The following KCNK13 variants were observed in gnomAD, a reference collection of about 807,000 sequenced individuals.
The protein encoded by KCNK13 is potassium channel subfamily K member 13.
In KCNK13, 12 loss-of-function variants were observed where a neutral mutation model predicts 23.4. The observed-to-expected ratio is 0.51, with a 90% CI of 0.33 to 0.83. The LOEUF (loss-of-function observed/expected upper bound fraction) is 0.83, where lower values mean the gene tolerates loss of function less well. Ranked by LOEUF, KCNK13 falls within the 40% of genes least tolerant of loss-of-function variation. The probability of loss-of-function intolerance (pLI) is 0.02; values close to 1 mark genes in which losing one functional copy is unlikely to be tolerated. For synonymous variants in KCNK13, 231 were observed against 229.5 expected, an observed-to-expected ratio of 1.01 and a Z score of -0.06; for missense variants, 463 against 556.3, an observed-to-expected ratio of 0.83 and a Z score of 1.69.
intron 1 of KCNK13, among the ~76,000 whole-genome samples, chr14:90,130,179 C>CATTTATTTATTT (rs60505302): frequency 0.26 from 37,234 of 141,804 alleles, 5,353 homozygotes; most frequent in South Asian, 0.3. Context: ...TGGAGAAGGA[C>CATTTATTTATTT]ATTTATTTAT....
At chr14:90,144,230 G>A (rs1401548517) in intron 1 of KCNK13, among the ~76,000 whole-genome samples, 6 of 152,068 alleles carry the variant, frequency 3.9e-5, no homozygotes, top group African/African-American at 7.2e-5. Flanking sequence ...GTTTCTCTCA[G>A]TAATGTTTTG....
intron 1 of KCNK13, among the ~76,000 whole-genome samples, chr14:90,102,211 C>A (rs1889490146): frequency 1.3e-5 from 2 of 151,974 alleles, no homozygotes; most frequent in Admixed American, 6.6e-5. Context: ...AAAAGAAATC[C>A]CCCCATTGAA....
At chr14:90,156,475 G>T (rs1890196125) in intron 1 of KCNK13, among the ~76,000 whole-genome samples, 2 of 150,580 alleles carry the variant, frequency 1.3e-5, no homozygotes, top group African/African-American at 5.0e-5. Flanking sequence ...AAAGGAGAAG[G>T]TTCGAGAATT....
intron 1 of KCNK13, among the ~76,000 whole-genome samples, chr14:90,094,797 A>G (rs563952924): frequency 1.1e-3 from 167 of 151,780 alleles, no homozygotes; most frequent in Non-Finnish European, 1.8e-3. Flanking sequence ...ACAGGCGCCC[A>G]CCACCACGCC....
intron 1 of KCNK13, among the ~76,000 whole-genome samples, chr14:90,106,592 G>T (rs539603361): frequency 6.6e-6 from 1 of 151,872 alleles, no homozygotes; most frequent in African/African-American, 2.4e-5. Flanking sequence ...AAAAATTTAT[G>T]ATACTATCAT....
At chr14:90,068,722 T>C (rs1889037408) in intron 1 of KCNK13, among the ~76,000 whole-genome samples, 1 of 152,172 alleles carries the variant, frequency 6.6e-6, no homozygotes, top group Non-Finnish European at 1.5e-5. Flanking sequence ...TTGAGAAATC[T>C]GGAGTCTAGA....
At chr14:90,064,899 G>A (rs1888990302) in intron 1 of KCNK13, among the ~76,000 whole-genome samples, 1 of 152,188 alleles carries the variant, frequency 6.6e-6, no homozygotes, top group South Asian at 2.1e-4. Flanking sequence ...AATGTGCAAT[G>A]CAGCTCATTG....
chr14:90,099,856 T>G (rs895246890), intron 1 of KCNK13, among the ~76,000 whole-genome samples: 7 of 152,198 alleles, frequency 4.6e-5, no homozygotes, highest in African/African-American at 7.2e-5. Flanking sequence ...ACATAATTTT[T>G]TCTTCCAGGG....
At chr14:90,154,110 T>G (rs1361574552) in intron 1 of KCNK13, among the ~76,000 whole-genome samples, 2 of 152,174 alleles carry the variant, frequency 1.3e-5, no homozygotes, top group African/African-American at 4.8e-5. Flanking sequence ...TGTGCTCTAT[T>G]TGGTTTGCTC....
intron 1 of KCNK13, among the ~76,000 whole-genome samples, chr14:90,097,581 A>G (rs1566950918): frequency 6.6e-6 from 1 of 152,094 alleles, no homozygotes; most frequent in African/African-American, 2.4e-5. Context: ...TATTCAAACC[A>G]TAGCCAAACA....
chr14:90,107,274 T>C (rs1889555763), intron 1 of KCNK13, among the ~76,000 whole-genome samples: 1 of 152,078 alleles, frequency 6.6e-6, no homozygotes, highest in South Asian at 2.1e-4. Flanking sequence ...GGTCAGGAGA[T>C]TGAGACCATC....
chr14:90,099,392 A>G (rs1300374231), intron 1 of KCNK13, among the ~76,000 whole-genome samples: 1 of 152,172 alleles, frequency 6.6e-6, no homozygotes, highest in African/African-American at 2.4e-5. Flanking sequence ...AATGTCCCAA[A>G]TAAACTCTGC....
chr14:90,075,177 T>C (rs921786410), intron 1 of KCNK13, among the ~76,000 whole-genome samples: 2 of 152,242 alleles, frequency 1.3e-5, no homozygotes, highest in African/African-American at 4.8e-5. Context: ...TTAGATGTTC[T>C]TTTTGTCATT....
chr14:90,080,671 T>G (rs979047076), intron 1 of KCNK13, among the ~76,000 whole-genome samples: 4 of 152,128 alleles, frequency 2.6e-5, no homozygotes, highest in Admixed American at 2.6e-4. Context: ...TCAGTATTGT[T>G]TTTTCTCTTT....
At chr14:90,097,346 A>G (rs1302666857) in intron 1 of KCNK13, among the ~76,000 whole-genome samples, 2 of 152,150 alleles carry the variant, frequency 1.3e-5, no homozygotes, top group Non-Finnish European at 2.9e-5. Flanking sequence ...CATGAACCCC[A>G]GGGGTATTCT....
At chr14:90,170,554 C>T (rs181519150) in intron 1 of KCNK13, among the ~76,000 whole-genome samples, 234 of 152,146 alleles carry the variant, frequency 1.5e-3, no homozygotes, top group Non-Finnish European at 2.7e-3. Context: ...GTTAAGCATG[C>T]GTGCCAGGGA....
intron 1 of KCNK13, among the ~76,000 whole-genome samples, chr14:90,158,266 G>T (rs947021806): frequency 6.6e-5 from 10 of 152,214 alleles, no homozygotes; most frequent in Non-Finnish European, 1.3e-4. Flanking sequence ...ACAAGACATG[G>T]CCCCAGGGAC....
chr14:90,150,585 G>T (rs545257270), intron 1 of KCNK13, among the ~76,000 whole-genome samples: 2 of 152,346 alleles, frequency 1.3e-5, no homozygotes, highest in East Asian at 1.9e-4. Context: ...ATCAGAGAAG[G>T]TCTGTCTGAT....
intron 1 of KCNK13, among the ~76,000 whole-genome samples, chr14:90,101,790 C>CAAAAAAAAAAAAAAAAAAAAAAAAAAAAA (rs546423368): frequency 1.1e-4 from 6 of 55,584 alleles, no homozygotes; most frequent in African/African-American, 2.6e-4. Context: ...ACTCCGTCTC[C>CAAAAAAAAAAAAAAAAAAAAAAAAAAAAA]AAAAAAAAAA....
Sources: gnomAD v4.1 joint callset for allele counts (sites outside exome capture counted in the v4.1 genomes callset) on GRCh38, gnomAD v4.1.1 for gene constraint, MANE v1.5 for transcripts, NCBI Gene and HGNC (gene_info 2026-07-23, HGNC 2026-07-21) for gene names.